HPSE2: variants seen among roughly 807,000 people sequenced by gnomAD.
HPSE2 encodes inactive heparanase-2.
HPSE2 carries 38 observed loss-of-function variants against 60.5 expected under a neutral mutation model. That is an observed-to-expected ratio of 0.63 (90% CI 0.48 to 0.82). The LOEUF is 0.82. Ranked by LOEUF, HPSE2 falls within the 40% of genes least tolerant of loss-of-function variation. The pLI is 0.00. For synonymous variants in HPSE2, 295 were observed against 293.2 expected, an observed-to-expected ratio of 1.01 and a Z score of -0.06; for missense variants, 713 against 740.4, an observed-to-expected ratio of 0.96 and a Z score of 0.43.
At chr10:98,550,520 G>A (rs1168414686) in intron 9 of HPSE2, among the ~76,000 whole-genome samples, 1 of 149,244 alleles carries the variant, frequency 6.7e-6, no homozygotes, top group Non-Finnish European at 1.5e-5. Context: ...CCAGGCTGGA[G>A]TGCAGTGGCA....
intron 3 of HPSE2, among the ~76,000 whole-genome samples, chr10:98,999,023 A>C (rs757749506): frequency 2.4e-4 from 37 of 152,176 alleles, no homozygotes; most frequent in Non-Finnish European, 4.9e-4. Flanking sequence ...TGTATGTAAG[A>C]GGAGAGGGGT....
At chr10:98,905,522 ATACT>A (rs1254341021) in intron 3 of HPSE2, among the ~76,000 whole-genome samples, 1 of 152,150 alleles carries the variant, frequency 6.6e-6, no homozygotes, top group East Asian at 1.9e-4. Context: ...ACCTAGAAAA[ATACT>A]TACATGTTCA....
At chr10:98,597,567 A>G (rs1945275851) in intron 9 of HPSE2, among the ~76,000 whole-genome samples, 1 of 151,288 alleles carries the variant, frequency 6.6e-6, no homozygotes. Context: ...GCTACTTGGG[A>G]GGCTGAGGCA....
intron 8 of HPSE2, among the ~76,000 whole-genome samples, chr10:98,617,334 C>T (rs957250884): frequency 1.3e-5 from 2 of 152,114 alleles, no homozygotes; most frequent in African/African-American, 4.8e-5. Context: ...CCTGTGTATA[C>T]ATATTTAAAA....
At chr10:99,132,224 AGAGAGAGAG>A (rs1564833170) in intron 3 of HPSE2, among the ~76,000 whole-genome samples, 6 of 41,978 alleles carry the variant, frequency 1.4e-4, no homozygotes, top group Non-Finnish European at 2.7e-4. Context: ...AGAGAGAGAG[AGAGAGAGAG>A]AGAGAGAGAG....
chr10:98,608,828 A>G (rs1001534406), intron 9 of HPSE2, among the ~76,000 whole-genome samples: 1 of 152,022 alleles, frequency 6.6e-6, no homozygotes, highest in East Asian at 1.9e-4. Context: ...GAAAGAAAAG[A>G]AAGAGAAAGG....
chr10:98,872,981 T>C (rs564879096), intron 3 of HPSE2, among the ~76,000 whole-genome samples: 2 of 152,250 alleles, frequency 1.3e-5, no homozygotes, highest in Admixed American at 1.3e-4. Context: ...CTAAGCAGCA[T>C]CTGCTTGCTC....
the HPSE2 span, among the ~76,000 whole-genome samples, chr10:99,309,146 A>T: frequency 6.6e-6 from 1 of 152,168 alleles, no homozygotes; most frequent in Non-Finnish European, 1.5e-5. Flanking sequence ...AGAAACAGAA[A>T]GTAGATGTGT....
At chr10:98,509,747 G>A (rs759144254) in intron 9 of HPSE2, among the ~76,000 whole-genome samples, 4 of 152,034 alleles carry the variant, frequency 2.6e-5, no homozygotes, top group African/African-American at 4.8e-5. Flanking sequence ...TGATCCACCC[G>A]CCTCAGCCTC....
chr10:98,739,793 T>A (rs996170746), intron 4 of HPSE2, among the ~76,000 whole-genome samples: 5 of 152,182 alleles, frequency 3.3e-5, no homozygotes, highest in African/African-American at 1.2e-4. Context: ...GGCAGATATA[T>A]TTGGGAAGCA....
rs671210 is a variant in HPSE2, at chr10:98,568,500, T to G, written c.1320+46404A>C. Reference sequence around the variant, plus strand: ...TAGACAAAGGGAGATAACTTCCTGTTGGCCAAGCCCCAGAAGTCTGTGGGC... The same window carrying G: ...TAGACAAAGGGAGATAACTTCCTGTGGGCCAAGCCCCAGAAGTCTGTGGGC... On this transcript the variant is annotated intron_variant, in intron 9 of 11. Transcript: ENST00000370552. Among the ~76,000 whole-genome samples, 1,514 of 152,104 alleles carry G rather than the reference T, an allele frequency of 1.0e-2. 11 individuals carry two copies. Among genetic ancestry groups the G allele is most frequent in the South Asian group, 0.023 (110 of 4,822 alleles).
chr10:98,681,111 CAATT>C (rs760470096), intron 6 of HPSE2, among the ~76,000 whole-genome samples: 10 of 151,224 alleles, frequency 6.6e-5, no homozygotes, highest in Non-Finnish European at 1.5e-4. Context: ...TCACTTGAAA[CAATT>C]AAAGACAAAT....
the HPSE2 span, among the ~76,000 whole-genome samples, chr10:99,294,763 G>C: frequency 3.9e-5 from 6 of 151,950 alleles, no homozygotes; most frequent in East Asian, 1.9e-4. Flanking sequence ...GTGCAACCCT[G>C]TCTCTACTAA....
rs554382611 is a variant in HPSE2, at chr10:98,950,970, G to A, written c.610+193268C>T. On this transcript the variant is annotated intron_variant, in intron 3 of 11. Coordinates refer to ENST00000370552, the MANE Select transcript of HPSE2 (RefSeq NM_021828.5). Reference sequence around the variant, plus strand: ...TGTCTGGCTTTCTGTGCCACTTTATGTCAGAGACTGTAATAAAAGAAAGTT... The same window carrying A: ...TGTCTGGCTTTCTGTGCCACTTTATATCAGAGACTGTAATAAAAGAAAGTT... Among the ~76,000 whole-genome samples the A allele has an allele frequency of 8.5e-5, 13 of 152,222 alleles. No homozygotes were observed. In the East Asian group the frequency reaches 2.5e-3, roughly 29 times the overall value.
At chr10:98,536,490 G>A (rs1943286958) in intron 9 of HPSE2, among the ~76,000 whole-genome samples, 1 of 152,180 alleles carries the variant, frequency 6.6e-6, no homozygotes, top group Non-Finnish European at 1.5e-5. Context: ...AAAGTGAAGT[G>A]CAGACGAATC....
At chr10:98,583,988 G>A (rs1010745978) in intron 9 of HPSE2, among the ~76,000 whole-genome samples, 1 of 152,142 alleles carries the variant, frequency 6.6e-6, no homozygotes, top group Non-Finnish European at 1.5e-5. Context: ...GCTTTTGTGT[G>A]GACATGTGTT....
At chr10:99,081,581 AGATGATGATGATGATGAT>A (rs34159388) in intron 3 of HPSE2, among the ~76,000 whole-genome samples, 5 of 147,306 alleles carry the variant, frequency 3.4e-5, no homozygotes, top group Admixed American at 6.8e-5. Context: ...CTACTACTAA[AGATGATGATGATGATGAT>A]GATGATGATG....
chr10:98,637,882 T>C (rs1476931920), intron 7 of HPSE2, among the ~76,000 whole-genome samples: 1 of 152,136 alleles, frequency 6.6e-6, no homozygotes, highest in African/African-American at 2.4e-5. Flanking sequence ...CTCACACTTA[T>C]AATCCCAGCA....
chr10:99,080,133 G>C (rs1008824746), intron 3 of HPSE2, among the ~76,000 whole-genome samples: 3 of 152,126 alleles, frequency 2.0e-5, no homozygotes, highest in Non-Finnish European at 4.4e-5. Context: ...ATGTTTTGCT[G>C]TTAAACAGAT....
Sources: gnomAD v4.1 joint callset for allele counts (sites outside exome capture counted in the v4.1 genomes callset) on GRCh38, gnomAD v4.1.1 for gene constraint, MANE v1.5 for transcripts, NCBI Gene and HGNC (gene_info 2026-07-23, HGNC 2026-07-21) for gene names.